The following CTC1 variants were observed in gnomAD, a reference collection of about 807,000 sequenced individuals.
CTC1 encodes the protein CST telomere replication complex component 1.
In CTC1, 91 loss-of-function variants were observed where a neutral mutation model predicts 136.3. The observed-to-expected ratio is 0.67, with a 90% CI of 0.56 to 0.79. CTC1 has a LOEUF of 0.79. Among genes scored for constraint, CTC1 ranks in the 30% least tolerant of loss-of-function variants. The pLI, the probability that CTC1 is intolerant of heterozygous loss-of-function variation, is 0.00. For synonymous variants in CTC1, 606 were observed against 613.8 expected (o/e 0.99, Z 0.19); for missense variants, 1,432 against 1,498.1 (o/e 0.96, Z 0.73).
chr17:8,233,800 G>A (rs531330494), intron 10 of CTC1, among the ~76,000 whole-genome samples: 3 of 151,498 alleles, frequency 2.0e-5, no homozygotes, highest in Non-Finnish European at 4.4e-5. Context: ...AGCCAGGGAC[G>A]GTGGTGAACG....
rs758471375 is a variant in CTC1 at position 8,235,299 on chromosome 17, G to C, written c.1207-14C>G. ...AACATCCTGGAGCTGGGGGAAAGCAGAGAAAATGAAAAAGCAGAGATGAAG... is the reference window on the plus strand; with the variant it reads ...AACATCCTGGAGCTGGGGGAAAGCACAGAAAATGAAAAAGCAGAGATGAAG... On this transcript the variant is annotated splice_polypyrimidine_tract_variant and intron_variant, in intron 7 of 22. Transcript: ENST00000651323. 6.3e-7 allele frequency: 1 copy of C among 1,598,960 alleles called. No individual in the cohort carries two copies. Among genetic ancestry groups the C allele is most frequent in the Non-Finnish European group, 8.6e-7 (1 of 1,168,034 alleles).
In CTC1 at chr17:8,228,901, A is replaced by T. The variant is rs2151499132; in HGVS notation, c.3222-9T>A. 1 of 1,599,470 alleles carries T rather than the reference A, an allele frequency of 6.3e-7. No homozygotes were observed. Among genetic ancestry groups the T allele is most frequent in the Non-Finnish European group, 8.5e-7 (1 of 1,175,268 alleles). On this transcript the variant is annotated splice_polypyrimidine_tract_variant and intron_variant, in intron 20 of 22. Transcript: ENST00000651323. ...CATCCTCCACCAGGAGCCTATGGGG[A>T]GCAGGAGGAAATAAAAACGCCTATA...
intron 2 of CTC1, among the ~76,000 whole-genome samples, chr17:8,242,659 A>G (rs957043875): frequency 1.3e-5 from 2 of 151,032 alleles, no homozygotes; most frequent in Non-Finnish European, 1.5e-5. Context: ...GGTAATGTCA[A>G]ACAGTTCTCT....
In CTC1 at chr17:8,235,142, G is replaced by A. The variant is rs763760200; in HGVS notation, c.1350C>T (p.Ala450=). The A allele has an allele frequency of 1.9e-6, 3 of 1,614,072 alleles. No homozygotes were observed. Among genetic ancestry groups the A allele is most frequent in the Admixed American group, 3.3e-5 (2 of 59,992 alleles). The part of the protein sequence containing the change: ...GAHSSRQAYG[A]SLYEQLVWER... ...CCCACACCAGCTGCTCGTACAGGGA[G>A]GCCCCGTAGGCTTGACGGGATGAGT... Residue 450 remains alanine, a synonymous_variant, in exon 8 of 23, where the codon GCC becomes GCT. Coordinates refer to ENST00000651323, the MANE Select transcript of CTC1 (RefSeq NM_025099.6).
At chr17:8,237,575 G>A in intron 4 of CTC1, 56 bp from the exon 5 acceptor site, 1 of 1,437,684 alleles carries the variant, frequency 7.0e-7, no homozygotes, top group South Asian at 1.2e-5. Flanking sequence ...TGAGGGAGGA[G>A]AATCACTTGA....
At chr17:8,238,368 A>T (rs767580706) in intron 3 of CTC1, 24 bp downstream of exon 3, 1 of 1,599,552 alleles carries the variant, frequency 6.3e-7, no homozygotes, top group Non-Finnish European at 8.6e-7. Flanking sequence ...GATCTGAGGC[A>T]TCTGATCTCC....
intron 5 of CTC1, among the ~76,000 whole-genome samples, chr17:8,236,886 C>T (rs1235853029): frequency 2.0e-5 from 3 of 152,070 alleles, no homozygotes; most frequent in South Asian, 4.1e-4. Context: ...TGCTCAGTAC[C>T]TGGGTAAAGA....
chr17:8,237,667 A>G (rs1226529611), intron 4 of CTC1, 148 bp from the exon 5 acceptor site: 2 of 118,558 alleles, frequency 1.7e-5, no homozygotes, highest in Middle Eastern at 2.5e-3. Context: ...CTACGTCTCA[A>G]AAAAAAAAAA....
In CTC1 at chr17:8,238,436, C is replaced by T. The variant is rs200137992; in HGVS notation, c.391G>A (p.Gly131Arg). 67 of 1,614,188 alleles carry T rather than the reference C, an allele frequency of 4.2e-5. No homozygotes were observed. The East Asian group carries it at 1.4e-3, about 34-fold the overall frequency. The change falls in exon 3 of 23, where the codon GGA becomes AGA. Residue 131 changes from glycine to arginine, a missense_variant. Gly to Arg is a moderately radical substitution (Grantham distance 125). Coordinates refer to ENST00000651323, the MANE Select transcript of CTC1 (RefSeq NM_025099.6). ...GTGTTATCTCTCACATAGAGGCTTC[C>T]GTTCCTGCACTCTTGTTCCAAGTCT... ...SADLEQECRN[G>R]SLYVRDNTGV...
At chr17:8,234,692 A>G (rs1987544899) in intron 9 of CTC1, 37 bp from the exon 10 acceptor site, 5 of 1,587,826 alleles carry the variant, frequency 3.1e-6, no homozygotes, top group African/African-American at 1.3e-5. Flanking sequence ...TGTGTGTCCC[A>G]TGGGCCCCAG....
chr17:8,230,867 G>A, intron 15 of CTC1: 1 of 567,176 alleles, frequency 1.8e-6, no homozygotes, highest in Non-Finnish European at 3.1e-6. Flanking sequence ...CGCACAAGGT[G>A]GCTCACGCCC....
chr17:8,237,248 A>G, intron 5 of CTC1, 127 bp downstream of exon 5: 3 of 1,033,844 alleles, frequency 2.9e-6, no homozygotes, highest in Non-Finnish European at 4.4e-6. Flanking sequence ...CAACAGCGCT[A>G]TTCCAGAAAA....
In CTC1 at chr17:8,234,511, G is replaced by A. The variant is rs1310610051; in HGVS notation, c.1762C>T (p.Arg588Cys). ...CAGAGCCAGGACCAAGCCAGGCGGC[G>A]ATTGAGTTGGCAGCTGGGCAGGTAG... is the stretch of plus-strand genomic sequence containing the variant. Reference protein sequence around the residue: ...ASYLPSCQLNRRLAWSWLCLL... With the variant: ...ASYLPSCQLNCRLAWSWLCLL... Residue 588 changes from arginine (R) to cysteine (C), a missense_variant, in exon 10 of 23, where the codon CGC (arginine) becomes TGC (cysteine). By Grantham distance (180) the Arg-to-Cys change is radical (BLOSUM62 -3). Coordinates refer to ENST00000651323, the MANE Select transcript of CTC1 (RefSeq NM_025099.6). The A allele has an allele frequency of 3.9e-6, 6 of 1,556,410 alleles. No individual in the cohort carries two copies. The highest frequency in any genetic ancestry group is 2.4e-5 in the East Asian group (1 of 41,388).
Position 8,235,122 on chromosome 17 carries a change from A to T in CTC1, c.1370T>A (p.Val457Glu). The change falls in exon 8 of 23, where the codon GTG becomes GAG. Residue 457 changes from valine to glutamate, a missense_variant. By Grantham distance (121) the Val-to-Glu change is moderately radical (BLOSUM62 -2). Coordinates refer to ENST00000651323, the MANE Select transcript of CTC1 (RefSeq NM_025099.6). ...GGGAAGTCCTAACTGACGTTCCCACACCAGCTGCTCGTACAGGGAGGCCCC... is the reference window on the plus strand; with the variant it reads ...GGGAAGTCCTAACTGACGTTCCCACTCCAGCTGCTCGTACAGGGAGGCCCC... ...AYGASLYEQL[V>E]WERQLGLPLY... 1.9e-6 allele frequency: 3 copies of T among 1,614,158 alleles called. No individual in the cohort carries two copies. Among genetic ancestry groups the T allele is most frequent in the Non-Finnish European group, 2.5e-6 (3 of 1,180,024 alleles).
Position 8,230,456 on chromosome 17 carries a change from G to A in CTC1, c.2771C>T (p.Ala924Val), listed in dbSNP as rs745314437. The A allele has an allele frequency of 6.2e-7, 1 of 1,613,902 alleles. No homozygotes were observed. The highest frequency in any genetic ancestry group is 1.1e-5 in the South Asian group (1 of 91,056). The change falls in exon 17 of 23, where the codon GCC becomes GTC. Residue 924 changes from alanine to valine, a missense_variant. By Grantham distance (64) the Ala-to-Val change is moderately conservative (BLOSUM62 0). Coordinates refer to ENST00000651323, the MANE Select transcript of CTC1 (RefSeq NM_025099.6). ...SLWMKLGNTG[A>V]MRRCVKLTVA... is the part of the protein sequence containing the mutation. ...TGTTAGCTTCACACACCTTCTCATG[G>A]CCCCCGTGTTCCCTATAGAAGGAAG...
At chr17:8,247,844 G>T in intron 1 of CTC1, 160 bp downstream of exon 1, 1 of 677,856 alleles carries the variant, frequency 1.5e-6, no homozygotes, top group Non-Finnish European at 2.6e-6. Context: ...AACATTCGCA[G>T]AACCAGTAAG....
chr17:8,247,857 G>T, intron 1 of CTC1, 147 bp downstream of exon 1: 1 of 735,028 alleles, frequency 1.4e-6, no homozygotes, highest in Non-Finnish European at 2.4e-6. Flanking sequence ...CCAGTAAGAG[G>T]TAGGAGCGGA....
Position 8,236,157 on chromosome 17 carries a change from G to A in CTC1, c.978C>T (p.Leu326=), listed in dbSNP as rs1987705567. The change falls in exon 6 of 23, where the codon CTC becomes CTT. Residue 326 remains leucine, a synonymous_variant. Transcript: ENST00000651323. Reference sequence around the variant, plus strand: ...GGAGTGGCTTGGGGTCAGCCTCTAAGAGGGGTCCTTCCAGCTCCAGTTCCA... The same window carrying A: ...GGAGTGGCTTGGGGTCAGCCTCTAAAAGGGGTCCTTCCAGCTCCAGTTCCA... ...QELELELEGP[L]LEADPKPLPM... The A allele has an allele frequency of 6.2e-6, 10 of 1,614,196 alleles. No homozygotes were observed. The highest frequency in any genetic ancestry group is 1.1e-5 in the South Asian group (1 of 91,082).
Position 8,225,177 on chromosome 17 carries a change from ATGG to A in CTC1, c.*3000_*3002del, listed in dbSNP as rs1425581316. ...CCGGCCATACATGGCAAGTTTCTAC[ATGG>A]TGTTTCAGACTTAGCTGATCACCCT... is the stretch of plus-strand genomic sequence containing the variant. On this transcript the variant is annotated 3_prime_UTR_variant, in exon 23 of 23. Transcript: ENST00000651323. 3 of 152,272 alleles carry A rather than the reference ATGG, an allele frequency of 2.0e-5. No individual in the cohort carries two copies. Among genetic ancestry groups the A allele is most frequent in the Non-Finnish European group, 4.4e-5 (3 of 68,080 alleles). 9.4% of individuals were successfully genotyped at this position (152,272 alleles called of 1,614,324 possible).
Sources: gnomAD v4.1 joint callset for allele counts (sites outside exome capture counted in the v4.1 genomes callset) on GRCh38, gnomAD v4.1.1 for gene constraint, MANE v1.5 for transcripts, NCBI Gene and HGNC (gene_info 2026-07-23, HGNC 2026-07-21) for gene names.